CASP1: variants seen among roughly 807,000 people sequenced by gnomAD.
CASP1 encodes caspase 1.
A neutral mutation model predicts 41.2 loss-of-function variants in CASP1; 31 were observed. The observed-to-expected ratio is 0.75, with a 90% CI of 0.57 to 1.02. The LOEUF (loss-of-function observed/expected upper bound fraction) is 1.02. Ranked by LOEUF, CASP1 falls within the 50% of genes least tolerant of loss-of-function variation. The probability of loss-of-function intolerance (pLI) is 0.00; values close to 1 mark genes in which losing one functional copy is unlikely to be tolerated. For missense variants in CASP1, 490 were observed against 495.7 expected, an observed-to-expected ratio of 0.99 and a Z score of 0.11; for synonymous variants, 163 against 166.5, an observed-to-expected ratio of 0.98 and a Z score of 0.16.
At chr11:105,031,316 C>A (rs781140786) in intron 3 of CASP1, 36 bp from the exon 4 acceptor site, 14 of 1,228,538 alleles carry the variant, frequency 1.1e-5, no homozygotes, top group Non-Finnish European at 1.7e-5. Context: ...ACAGTGGCAT[C>A]CCTGTTTGTT....
At chr11:105,026,580 A>G in intron 8 of CASP1, 1 of 600,864 alleles carries the variant, frequency 1.7e-6, no homozygotes. Flanking sequence ...CATGAGAGAC[A>G]CAGGTAAATT....
Position 105,029,245 on chromosome 11 carries a change from A to G in CASP1, c.885T>C (p.Phe295=), listed in dbSNP as rs1863518517. Residue 295 remains phenylalanine, a synonymous_variant, in exon 7 of 9, where the codon TTT becomes TTC. Transcript: ENST00000533400. ...TTCCAGAAACTCCTACTGAATCTTT[A>G]AACCACACCACACCAGGGCTGTCTG... is the stretch of plus-strand genomic sequence containing the variant. The part of the protein sequence containing the change: ...CRGDSPGVVW[F]KDSVGVSGNL... 2 of 1,613,058 alleles carry G rather than the reference A, an allele frequency of 1.2e-6. No homozygotes were observed. Among genetic ancestry groups the G allele is most frequent in the Non-Finnish European group, 1.7e-6 (2 of 1,179,484 alleles).
intron 5 of CASP1, 147 bp downstream of exon 5, chr11:105,030,182 AC>A: frequency 1.4e-6 from 1 of 692,006 alleles, no homozygotes; most frequent in Non-Finnish European, 2.5e-6. Flanking sequence ...GTTACAAAGG[AC>A]CATGTAGTAT....
At chr11:105,030,251 G>T in intron 5 of CASP1, 79 bp downstream of exon 5, 3 of 1,210,298 alleles carry the variant, frequency 2.5e-6, no homozygotes, top group Non-Finnish European at 3.5e-6. Context: ...ACATTTCTTG[G>T]TCTTACAACC....
At chr11:105,028,511 C>A (rs76705537) in intron 7 of CASP1, among the ~76,000 whole-genome samples, 8,725 of 151,828 alleles carry the variant, frequency 0.057, 358 homozygotes, top group Non-Finnish European at 0.085. Flanking sequence ...TTATTAAATC[C>A]TTAGAAAAAT....
chr11:105,029,926 C>G (rs764518347), intron 5 of CASP1, 27 bp from the exon 6 acceptor site: 1 of 1,481,410 alleles, frequency 6.8e-7, no homozygotes, highest in Non-Finnish European at 9.4e-7. Flanking sequence ...CACTGATTTT[C>G]GACTATGTAA....
At chr11:105,026,530 C>T in intron 8 of CASP1, 174 bp from the exon 9 acceptor site, 1 of 602,064 alleles carries the variant, frequency 1.7e-6, no homozygotes, top group Non-Finnish European at 2.9e-6. Context: ...TTGAATGACC[C>T]TCCTCAGGGC....
chr11:105,035,073 C>T lies in CASP1; in HGVS notation c.7+34G>A, dbSNP rs1303549941. 4 of 1,612,344 alleles carry T rather than the reference C, an allele frequency of 2.5e-6. No homozygotes were observed. The African/African-American group carries it at 5.3e-5, about 22-fold the overall frequency. ...AGCCCCTTCCAAAACTCTTTCTTCC[C>T]AGGGACCTGTTCTTGGAACAGTAAA... On this transcript the variant is annotated intron_variant, in intron 1 of 8. Transcript: ENST00000533400.
chr11:105,028,976 A>C, intron 7 of CASP1, 148 bp downstream of exon 7: 1 of 677,742 alleles, frequency 1.5e-6, no homozygotes, highest in Non-Finnish European at 2.5e-6. Context: ...GATATGCAAA[A>C]TTGCTCTCTT....
At chr11:105,034,577 C>T in intron 1 of CASP1, 103 bp from the exon 2 acceptor site, 1 of 1,543,768 alleles carries the variant, frequency 6.5e-7, no homozygotes, top group South Asian at 1.2e-5. Flanking sequence ...AGTGAAATGT[C>T]CCCCTCCTCA....
chr11:105,030,295 C>T, intron 5 of CASP1, 35 bp downstream of exon 5: 1 of 1,529,630 alleles, frequency 6.5e-7, no homozygotes, highest in Non-Finnish European at 9.0e-7. Context: ...ATACGAAGGG[C>T]ATAACCATTG....
At chr11:105,030,280 C>T (rs473549) in intron 5 of CASP1, 50 bp downstream of exon 5, 225,007 of 1,401,660 alleles carry the variant, frequency 0.16, 19,980 homozygotes, top group Admixed American at 0.29. Flanking sequence ...TAATATTATT[C>T]AGTTATACGA....
intron 7 of CASP1, among the ~76,000 whole-genome samples, chr11:105,027,827 T>G (rs112490340): frequency 2.2e-4 from 33 of 152,254 alleles, no homozygotes; most frequent in African/African-American, 7.9e-4. Context: ...ATAATTATTT[T>G]TCTTCAGGAG....
intron 7 of CASP1, among the ~76,000 whole-genome samples, chr11:105,027,956 T>G (rs758662797): frequency 6.6e-6 from 1 of 151,888 alleles, no homozygotes; most frequent in Non-Finnish European, 1.5e-5. Context: ...GTAAGGAAAG[T>G]GAAAGAAAAG....
At position 105,029,903 on chromosome 11, in the gene CASP1, A is replaced by G. The variant is rs1394724089; in HGVS notation, c.628-4T>C. The G allele has an allele frequency of 6.3e-7, 1 of 1,597,842 alleles. No individual in the cohort carries two copies. Among genetic ancestry groups the G allele is most frequent in the East Asian group, 2.2e-5 (1 of 44,792 alleles). On this transcript the variant is annotated splice_region_variant and splice_polypyrimidine_tract_variant and intron_variant, in intron 5 of 8. Coordinates refer to ENST00000533400, the MANE Select transcript of CASP1 (RefSeq NM_001257118.3). Reference sequence around the variant, plus strand: ...CCTCCAGCTCTGTAGTCATGTCCTGAAAGACACCATATCACTGATTTTCGA... The same window carrying G: ...CCTCCAGCTCTGTAGTCATGTCCTGGAAGACACCATATCACTGATTTTCGA...
At chr11:105,031,735 T>G (rs1037998576) in intron 3 of CASP1, among the ~76,000 whole-genome samples, 21 of 152,206 alleles carry the variant, frequency 1.4e-4, no homozygotes, top group African/African-American at 5.1e-4. Context: ...TTTATTTACT[T>G]AATATACATG....
intron 8 of CASP1, 168 bp from the exon 9 acceptor site, chr11:105,026,524 A>G (rs55751772): frequency 3.3e-6 from 2 of 606,684 alleles, no homozygotes; most frequent in South Asian, 2.0e-5. Context: ...TAAGCATTGA[A>G]TGACCCTCCT....
intron 8 of CASP1, 67 bp from the exon 9 acceptor site, chr11:105,026,423 G>C (rs1485297801): frequency 4.9e-6 from 5 of 1,018,594 alleles, no homozygotes; most frequent in Non-Finnish European, 6.0e-6. Flanking sequence ...AATTTCTTGA[G>C]TTATGCCAAA....
chr11:105,027,291 A>G, intron 7 of CASP1: 1 of 468,502 alleles, frequency 2.1e-6, no homozygotes, highest in African/African-American at 2.0e-5. Flanking sequence ...TGCAATACTC[A>G]GTCTACATGG....
Sources: gnomAD v4.1 joint callset for allele counts (sites outside exome capture counted in the v4.1 genomes callset) on GRCh38, gnomAD v4.1.1 for gene constraint, MANE v1.5 for transcripts, NCBI Gene and HGNC (gene_info 2026-07-23, HGNC 2026-07-21) for gene names.